The following AP3B1 variants were observed in gnomAD, a reference collection of about 807,000 sequenced individuals.
AP3B1 encodes the protein AP-3 complex subunit beta-1.
A neutral mutation model predicts 132.5 loss-of-function variants in AP3B1; 61 were observed. The observed-to-expected ratio is 0.46, with a 90% CI of 0.37 to 0.57. The LOEUF is 0.57. Among genes scored for constraint, AP3B1 ranks in the 20% least tolerant of loss-of-function variants. The pLI is 0.00. For missense variants in AP3B1, 1,120 were observed against 1,289.4 expected (o/e 0.87, Z 2.01); for synonymous variants, 388 against 438.3 (o/e 0.89, Z 1.43).
chr5:78,130,915 C>A (rs183025095), intron 15 of AP3B1, among the ~76,000 whole-genome samples: 144 of 151,522 alleles, frequency 9.5e-4, no homozygotes, highest in African/African-American at 3.3e-3. Flanking sequence ...TTTCTTAGCC[C>A]AAAATTAATT....
At position 78,162,839 on chromosome 5, in the gene AP3B1, C is replaced by T. The variant is rs201877252; in HGVS notation, c.1343G>A (p.Cys448Tyr). The T allele has an allele frequency of 1.9e-5, 31 of 1,613,834 alleles. No individual in the cohort carries two copies. Among genetic ancestry groups the T allele is most frequent in the Middle Eastern group, 1.6e-4 (1 of 6,082 alleles). The change falls in exon 13 of 27, where the codon TGT (cysteine) becomes TAT (tyrosine). Residue 448 changes from cysteine to tyrosine, a missense_variant. Physicochemically the swap from Cys to Tyr is radical, Grantham distance 194 (BLOSUM62 -2). Transcript: ENST00000255194. ...CTTACCATCCCTGTTGGACAGCAGA[C>T]AGACCAAGCCATTGAGGCACGTGTC... is the stretch of plus-strand genomic sequence containing the variant. ...VTDTCLNGLV[C>Y]LLSNRDEIVV...
At chr5:78,076,937 A>G (rs1235620456) in intron 22 of AP3B1, among the ~76,000 whole-genome samples, 1 of 152,136 alleles carries the variant, frequency 6.6e-6, no homozygotes, top group African/African-American at 2.4e-5. Flanking sequence ...TAAAATTGTA[A>G]TCCTAAGCAC....
At chr5:78,060,251 G>C (rs1212146443) in intron 22 of AP3B1, among the ~76,000 whole-genome samples, 1 of 152,152 alleles carries the variant, frequency 6.6e-6, no homozygotes, top group African/African-American at 2.4e-5. Flanking sequence ...TCAAGTTAAG[G>C]TGTCTATAAC....
chr5:78,259,505 A>G, intron 2 of AP3B1, among the ~76,000 whole-genome samples: 1 of 152,310 alleles, frequency 6.6e-6, no homozygotes, highest in Middle Eastern at 3.4e-3. Context: ...TACATTTTAA[A>G]ATAACTTAAA....
chr5:78,193,520 A>G (rs56063931), intron 7 of AP3B1, among the ~76,000 whole-genome samples: 27,702 of 151,348 alleles, frequency 0.18, 2,814 homozygotes, highest in Admixed American at 0.27. Context: ...TATACTAACC[A>G]TACTTCATAT....
intron 17 of AP3B1, among the ~76,000 whole-genome samples, chr5:78,117,980 T>G (rs1370296262): frequency 6.6e-6 from 1 of 152,222 alleles, no homozygotes; most frequent in East Asian, 1.9e-4. Context: ...CCTATTTTAT[T>G]GTAAAGGAGT....
chr5:78,242,559 G>A (rs910568130), intron 2 of AP3B1, among the ~76,000 whole-genome samples: 2 of 151,918 alleles, frequency 1.3e-5, no homozygotes, highest in African/African-American at 4.8e-5. Context: ...GGCACCTGAT[G>A]CCACCACTGG....
Position 78,020,672 on chromosome 5 carries a change from A to G in AP3B1, c.2992+20T>C, listed in dbSNP as rs755171790. ...ATTATTTGGTATGTAAATTTCTAGT[A>G]AGTTGTAGACATCTCTCACCTTGCT... On this transcript the variant is annotated intron_variant, in intron 25 of 26. Coordinates refer to ENST00000255194, the MANE Select transcript of AP3B1 (RefSeq NM_003664.5). 4 of 1,564,754 alleles carry G rather than the reference A, an allele frequency of 2.6e-6. No homozygotes were observed. The East Asian group carries it at 6.7e-5, about 26-fold the overall frequency.
chr5:78,060,157 A>G (rs927425631), intron 22 of AP3B1, among the ~76,000 whole-genome samples: 8 of 152,234 alleles, frequency 5.3e-5, no homozygotes, highest in African/African-American at 1.7e-4. Flanking sequence ...CTCTAAAATA[A>G]GCACAATACA....
At chr5:78,093,543 T>C (rs1417345553) in intron 21 of AP3B1, among the ~76,000 whole-genome samples, 2 of 152,252 alleles carry the variant, frequency 1.3e-5, no homozygotes, top group East Asian at 1.9e-4. Flanking sequence ...TCTATAAAAC[T>C]TTTTTCTTTT....
chr5:78,010,394 T>C (rs1266416793), intron 26 of AP3B1, among the ~76,000 whole-genome samples: 1 of 152,218 alleles, frequency 6.6e-6, no homozygotes, highest in African/African-American at 2.4e-5. Flanking sequence ...TCAGATTTAC[T>C]GAAGCTGAGT....
intron 14 of AP3B1, among the ~76,000 whole-genome samples, chr5:78,148,723 G>A (rs769791072): frequency 6.6e-6 from 1 of 152,090 alleles, no homozygotes; most frequent in Non-Finnish European, 1.5e-5. Context: ...TGAGGTTTTT[G>A]CCATTGTGGT....
At chr5:78,054,707 T>A (rs1199477251) in intron 22 of AP3B1, among the ~76,000 whole-genome samples, 1 of 152,166 alleles carries the variant, frequency 6.6e-6, no homozygotes, top group African/African-American at 2.4e-5. Flanking sequence ...TTGCCTTGCA[T>A]TTAAGTGAAT....
chr5:78,030,942 C>T (rs147134086), intron 24 of AP3B1, among the ~76,000 whole-genome samples: 1 of 152,222 alleles, frequency 6.6e-6, no homozygotes, highest in Middle Eastern at 3.4e-3. Context: ...GGCCTCCCAA[C>T]GTGCTAGGGT....
At chr5:78,208,607 G>A (rs1745608244) in intron 7 of AP3B1, among the ~76,000 whole-genome samples, 1 of 152,114 alleles carries the variant, frequency 6.6e-6, no homozygotes. Context: ...TTAGTATGTT[G>A]ATTATTTTTC....
At chr5:78,046,027 A>G (rs1045486576) in intron 22 of AP3B1, among the ~76,000 whole-genome samples, 1 of 152,166 alleles carries the variant, frequency 6.6e-6, no homozygotes, top group African/African-American at 2.4e-5. Context: ...TAAAACATTT[A>G]CTATCTGGTA....
At chr5:78,031,627 C>G (rs900705382) in intron 24 of AP3B1, among the ~76,000 whole-genome samples, 13 of 152,240 alleles carry the variant, frequency 8.5e-5, no homozygotes, top group Admixed American at 3.3e-4. Flanking sequence ...GCAGTTAATT[C>G]CCTGATGACT....
intron 21 of AP3B1, among the ~76,000 whole-genome samples, chr5:78,100,252 A>G (rs1410337258): frequency 6.6e-6 from 1 of 152,180 alleles, no homozygotes; most frequent in Non-Finnish European, 1.5e-5. Flanking sequence ...CACTCTCAGC[A>G]TAGAAAAACT....
chr5:78,073,307 GA>G (rs1749625113), intron 22 of AP3B1, among the ~76,000 whole-genome samples: 1 of 152,126 alleles, frequency 6.6e-6, no homozygotes, highest in African/African-American at 2.4e-5. Context: ...CCTGTGTTCA[GA>G]AAAAAATTTG....
Sources: gnomAD v4.1 joint callset for allele counts (sites outside exome capture counted in the v4.1 genomes callset) on GRCh38, gnomAD v4.1.1 for gene constraint, MANE v1.5 for transcripts, NCBI Gene and HGNC (gene_info 2026-07-23, HGNC 2026-07-21) for gene names.